Variants in CYBB observed in about 807,000 individuals in gnomAD.
The protein encoded by CYBB is cytochrome b-245 beta chain.
In CYBB, 5 loss-of-function variants were observed where a neutral mutation model predicts 46.5. The ratio of observed to expected loss-of-function variants is 0.11; its 90% confidence interval spans 0.06 to 0.23. The LOEUF is 0.23. Among genes scored for constraint, CYBB ranks in the 10% least tolerant of loss-of-function variants. CYBB has a pLI of 1.00. For synonymous variants in CYBB, 183 were observed against 156.7 expected, an observed-to-expected ratio of 1.17 and a Z score of -1.26; for missense variants, 307 against 428.3, an observed-to-expected ratio of 0.72 and a Z score of 2.50.
intron 8 of CYBB, among the ~76,000 whole-genome samples, chrX:37,802,755 ACTCCC>A (rs1929471631): frequency 9.0e-6 from 1 of 111,268 alleles, no homozygotes; most frequent in Admixed American, 9.5e-5. Context: ...CTCTTCCACA[ACTCCC>A]TGTTCGAGAA....
intron 5 of CYBB, 89 bp downstream of exon 5, chrX:37,793,899 A>C: frequency 1.4e-6 from 1 of 714,117 alleles, no homozygotes; most frequent in Admixed American, 3.1e-5. Context: ...TCCTTTGCCA[A>C]AAAAAAAAAA....
chrX:37,807,014 T>G (rs998466736), intron 11 of CYBB, among the ~76,000 whole-genome samples: 1 of 111,099 alleles, frequency 9.0e-6, no homozygotes, highest in Non-Finnish European at 1.9e-5. Flanking sequence ...GAAGCCATAC[T>G]TCAGTACAAG....
intron 1 of CYBB, among the ~76,000 whole-genome samples, 190 bp from the exon 2 acceptor site, chrX:37,781,898 G>T (rs1361667190): frequency 4.5e-5 from 5 of 111,678 alleles, no homozygotes; most frequent in African/African-American, 1.6e-4. Flanking sequence ...GGGTGGAGAG[G>T]TTTTAATTAT....
chrX:37,808,504 T>C (rs1556472362), intron 11 of CYBB, among the ~76,000 whole-genome samples: 1 of 112,296 alleles, frequency 8.9e-6, no homozygotes, highest in African/African-American at 3.2e-5. Context: ...CTGGGAATCT[T>C]CCATGTGCAC....
In CYBB at chrX:37,813,195, G is replaced by C. The variant is rs1257619516; in HGVS notation, c.*2278G>C. The C allele has an allele frequency of 9.9e-6, 1 of 101,151 alleles. No homozygotes were observed. The highest frequency in any genetic ancestry group is 2.0e-5 in the Non-Finnish European group (1 of 50,867). 8.3% of individuals were successfully genotyped at this position (101,151 alleles called of 1,213,427 possible). ...ACCAGCTGCCAGCCACCAGCAGCCAGCTGCCAGCCTAGCTTTTTTTTTTTT... is the reference window on the plus strand; with the variant it reads ...ACCAGCTGCCAGCCACCAGCAGCCACCTGCCAGCCTAGCTTTTTTTTTTTT... On this transcript the variant is annotated 3_prime_UTR_variant, in exon 13 of 13. Transcript: ENST00000378588.
intron 2 of CYBB, among the ~76,000 whole-genome samples, chrX:37,782,927 T>C (rs1928983412): frequency 8.9e-6 from 1 of 112,076 alleles, no homozygotes; most frequent in Admixed American, 9.5e-5. Flanking sequence ...ATATGCAACT[T>C]CTTTAGACAT....
At chrX:37,800,423 G>C (rs1359889019) in intron 7 of CYBB, among the ~76,000 whole-genome samples, 1 of 111,722 alleles carries the variant, frequency 9.0e-6, no homozygotes, top group African/African-American at 3.3e-5. Context: ...ATTTCCAACA[G>C]TAAGTTTCCT....
In CYBB at chrX:37,793,675, C is replaced by T. The variant is rs782735382; in HGVS notation, c.348C>T (p.Thr116=). 13 of 1,208,652 alleles carry T rather than the reference C, an allele frequency of 1.1e-5. No homozygotes were observed. In the Admixed American group the frequency reaches 2.6e-4, roughly 24 times the overall value. The stretch of plus-strand genomic sequence containing the variant: ...CTCTGCCCTTTTCAGCGATTCACAC[C>T]ATTGCACATCTATTTAATGTGGAAT... ...WMIALHSAIH[T]IAHLFNVEWC... The change falls in exon 5 of 13, where the codon ACC becomes ACT. Residue 116 remains threonine (T), a synonymous_variant. Transcript: ENST00000378588.
chrX:37,788,571 G>A (rs1026812220), intron 3 of CYBB, among the ~76,000 whole-genome samples: 1 of 111,493 alleles, frequency 9.0e-6, no homozygotes, highest in Non-Finnish European at 1.9e-5. Context: ...TTAAATACCT[G>A]TCAATGAATA....
chrX:37,805,466 G>C (rs1556471312), intron 10 of CYBB, among the ~76,000 whole-genome samples: 6 of 111,927 alleles, frequency 5.4e-5, no homozygotes, highest in Non-Finnish European at 1.9e-5. Flanking sequence ...TGTAATTTTT[G>C]TATATTCTCT....
chrX:37,783,125 A>G (rs1928989015), intron 2 of CYBB, among the ~76,000 whole-genome samples: 1 of 111,747 alleles, frequency 8.9e-6, no homozygotes, highest in Non-Finnish European at 1.9e-5. Flanking sequence ...TTTGAAATGC[A>G]TCAAAAATTA....
intron 11 of CYBB, among the ~76,000 whole-genome samples, chrX:37,807,891 A>G (rs1272565633): frequency 9.0e-6 from 1 of 111,589 alleles, no homozygotes; most frequent in Non-Finnish European, 1.9e-5. Flanking sequence ...TACAATTAAA[A>G]AGACAGCCCC....
At chrX:37,805,663 C>G (rs1929545073) in intron 10 of CYBB, among the ~76,000 whole-genome samples, 1 of 111,021 alleles carries the variant, frequency 9.0e-6, no homozygotes, top group South Asian at 3.8e-4. Flanking sequence ...TTTCTTTCAT[C>G]TTGTGTTAGA....
rs3935493 is a variant in CYBB at position 37,795,107 on chromosome X, C to G, written c.484-844C>G. On this transcript the variant is annotated intron_variant, in intron 5 of 12. Coordinates refer to ENST00000378588, the MANE Select transcript of CYBB (RefSeq NM_000397.4). Reference sequence around the variant, plus strand: ...GGATCACTTTTACTGTATCTATGCTCTCCTACTCTTCTAAATGTTTTCATT... The same window carrying G: ...GGATCACTTTTACTGTATCTATGCTGTCCTACTCTTCTAAATGTTTTCATT... Among the ~76,000 whole-genome samples, 1,566 of 111,524 alleles carry G rather than the reference C, an allele frequency of 0.014. 25 individuals carry two copies. Among genetic ancestry groups the G allele is most frequent in the African/African-American group, 0.048 (1,461 of 30,659 alleles).
chrX:37,795,667 C>A (rs187582727), intron 5 of CYBB, among the ~76,000 whole-genome samples: 5 of 112,113 alleles, frequency 4.5e-5, no homozygotes, highest in Non-Finnish European at 9.4e-5. Flanking sequence ...TTATTTTCTA[C>A]CCCCTTAGAA....
Position 37,811,920 on chromosome X carries a change from T to C in CYBB, c.*1003T>C, listed in dbSNP as rs1267194302. 2.7e-5 allele frequency: 3 copies of C among 111,699 alleles called. No homozygotes were observed. The highest frequency in any genetic ancestry group is 9.8e-5 in the African/African-American group (3 of 30,663). 9.2% of individuals were successfully genotyped at this position (111,699 alleles called of 1,213,427 possible). On this transcript the variant is annotated 3_prime_UTR_variant, in exon 13 of 13. Transcript: ENST00000378588. ...TAGTCCTGCTCCTTGTGCTATAAAA[T>C]AAATGCAGACTAATTTCCTGCCCAA...
chrX:37,809,125 G>C (rs1227849083), intron 11 of CYBB, among the ~76,000 whole-genome samples: 1 of 112,193 alleles, frequency 8.9e-6, no homozygotes, highest in Non-Finnish European at 1.9e-5. Context: ...CTGCATTTTA[G>C]TCTAAAATTG....
intron 7 of CYBB, among the ~76,000 whole-genome samples, chrX:37,800,876 A>G (rs1423463038): frequency 4.5e-5 from 5 of 112,253 alleles, no homozygotes; most frequent in Admixed American, 3.8e-4. Flanking sequence ...CATTAAAAAT[A>G]TTGTGTTGCT....
At chrX:37,797,839 C>A (rs1929345679) in intron 6 of CYBB, among the ~76,000 whole-genome samples, 1 of 111,904 alleles carries the variant, frequency 8.9e-6, no homozygotes, top group African/African-American at 3.2e-5. Flanking sequence ...GTCTGTCTGA[C>A]ACAAAACACA....
Sources: allele counts gnomAD v4.1 joint callset (sites outside exome capture counted in the v4.1 genomes callset), GRCh38; gene constraint gnomAD v4.1.1; transcripts MANE v1.5; gene names NCBI Gene and HGNC (gene_info 2026-07-23, HGNC 2026-07-21).